The following TET2 variants were observed in gnomAD, a reference collection of about 807,000 sequenced individuals.
The protein encoded by TET2 is methylcytosine dioxygenase TET2.
TET2 carries 299 observed loss-of-function variants against 142.9 expected under a neutral mutation model. The ratio of observed to expected loss-of-function variants is 2.09; its 90% CI spans 1.90 to 2.30. The LOEUF is 2.30. Ranked by LOEUF, TET2 falls within the 30% of genes most tolerant of loss-of-function variation. TET2 has a pLI of 0.00. For synonymous variants in TET2, 819 were observed against 849.0 expected (o/e 0.96, Z 0.61); for missense variants, 2,418 against 2,378.0 (o/e 1.02, Z -0.35).
At chr4:105,158,308 A>G (rs947992914) in intron 1 of TET2, among the ~76,000 whole-genome samples, 2 of 152,092 alleles carry the variant, frequency 1.3e-5, no homozygotes, top group African/African-American at 4.8e-5. Flanking sequence ...TTGGGAAACT[A>G]TATTTAGGGG....
At position 105,262,841 on chromosome 4, in the gene TET2, A is replaced by G. The variant is rs370053386; in HGVS notation, c.4044+993A>G. Reference sequence around the variant, plus strand: ...GGTTGCAGTGAGCCGAAGTCAAACCATTGCACTCCAGCCTAGGCAACAAGA... The same window carrying G: ...GGTTGCAGTGAGCCGAAGTCAAACCGTTGCACTCCAGCCTAGGCAACAAGA... On this transcript the variant is annotated intron_variant, in intron 8 of 10. Coordinates refer to ENST00000380013, the MANE Select transcript of TET2 (RefSeq NM_001127208.3). 5.6e-4 allele frequency among the ~76,000 whole-genome samples: 85 copies of G among 151,430 alleles called. 1 individual carries two copies. The highest frequency in any genetic ancestry group is 2.3e-3 in the East Asian group (12 of 5,130).
rs1471952970 is a variant in TET2 at position 105,277,549 on chromosome 4, T to G, written c.*1030T>G. The G allele has an allele frequency of 1.8e-5, 4 of 227,652 alleles. No individual in the cohort carries two copies. Among genetic ancestry groups the G allele is most frequent in the Non-Finnish European group, 2.6e-5 (3 of 114,714 alleles). The allele number at this position is 227,652 out of a possible 1,614,324, so 14.1% of individuals were successfully genotyped here. A position where few individuals can be genotyped will look rare whatever the true frequency, so the allele number is the denominator to read the frequency against. On this transcript the variant is annotated 3_prime_UTR_variant, in exon 11 of 11. Coordinates refer to ENST00000380013, the MANE Select transcript of TET2 (RefSeq NM_001127208.3). Reference sequence around the variant, plus strand: ...GAAACAAAGAAAGCTTTTAAAATATTTTTGCTTTTAGCCATGCATCTGCTG... The same window carrying G: ...GAAACAAAGAAAGCTTTTAAAATATGTTTGCTTTTAGCCATGCATCTGCTG...
chr4:105,205,315 A>G lies in TET2; in HGVS notation c.-47+14810A>G, dbSNP rs546872217. ...ATGTCACCTAACAATATTTTCCTTA[A>G]CTTCTTAATTTTAGCCTGTTTTCCA... On this transcript the variant is annotated intron_variant, in intron 2 of 10. Transcript: ENST00000380013. Among the ~76,000 whole-genome samples the G allele has an allele frequency of 8.5e-5, 13 of 152,236 alleles. No individual in the cohort carries two copies. The South Asian group carries it at 2.7e-3, about 32-fold the overall frequency.
intron 2 of TET2, among the ~76,000 whole-genome samples, chr4:105,215,876 G>A (rs2047409): frequency 0.49 from 73,723 of 151,864 alleles, 19,207 homozygotes; most frequent in Non-Finnish European, 0.61. Flanking sequence ...ATTTTTATAC[G>A]ATACCATAAA....
chr4:105,257,099 CAT>C (rs1730174797), intron 6 of TET2, among the ~76,000 whole-genome samples: 1 of 152,072 alleles, frequency 6.6e-6, no homozygotes, highest in Admixed American at 6.5e-5. Context: ...TTATAGGGGC[CAT>C]ACTTTGTTTC....
chr4:105,175,550 A>C (rs535587762), intron 1 of TET2, among the ~76,000 whole-genome samples: 10 of 152,324 alleles, frequency 6.6e-5, no homozygotes, highest in African/African-American at 2.4e-4. Context: ...AAGACTGTGA[A>C]AAAAACAGAA....
At chr4:105,214,301 ATTTTT>A (rs35390923) in intron 2 of TET2, among the ~76,000 whole-genome samples, 3 of 86,032 alleles carry the variant, frequency 3.5e-5, no homozygotes, top group Non-Finnish European at 6.3e-5. Context: ...CCCGAGGGAG[ATTTTT>A]TTTTTTTTTT....
At chr4:105,238,611 A>C (rs1423073583) in intron 3 of TET2, 3 of 244,140 alleles carry the variant, frequency 1.2e-5, no homozygotes, top group Non-Finnish European at 2.6e-5. Flanking sequence ...ATGACATTGC[A>C]GTAACTCAGC....
chr4:105,178,380 C>T (rs1017724216), intron 1 of TET2, among the ~76,000 whole-genome samples: 6 of 152,108 alleles, frequency 3.9e-5, no homozygotes, highest in Admixed American at 6.6e-5. Flanking sequence ...TATGACATTC[C>T]GGAAAAGCCA....
chr4:105,176,832 A>G (rs1724825888), intron 1 of TET2, among the ~76,000 whole-genome samples: 2 of 152,202 alleles, frequency 1.3e-5, no homozygotes, highest in Admixed American at 1.3e-4. Context: ...AGAACAACAA[A>G]GTCAGAGGAC....
At chr4:105,265,990 AT>A (rs1278305576) in intron 8 of TET2, among the ~76,000 whole-genome samples, 1 of 152,158 alleles carries the variant, frequency 6.6e-6, no homozygotes, top group African/African-American at 2.4e-5. Context: ...ACTATTCAGA[AT>A]ATCAGAGAGG....
intron 6 of TET2, among the ~76,000 whole-genome samples, chr4:105,255,717 C>T (rs1730090658): frequency 6.6e-6 from 1 of 151,792 alleles, no homozygotes; most frequent in Admixed American, 6.6e-5. Flanking sequence ...ATGTGTATAT[C>T]TTGTAGATAT....
At position 105,261,807 on chromosome 4, in the gene TET2, C is replaced by G; in HGVS notation, c.4003C>G (p.Pro1335Ala). 6.5e-7 allele frequency: 1 copy of G among 1,549,336 alleles called. No individual in the cohort carries two copies. The highest frequency in any genetic ancestry group is 8.7e-7 in the Non-Finnish European group (1 of 1,145,562). ...GCAAAACCTGTCCACTCTTATGGCA[C>G]CAACATATAAGAAACTTGCACCTGA... The part of the protein sequence containing the change: ...HLQNLSTLMA[P>A]TYKKLAPDAY... The change falls in exon 8 of 11, where the codon CCA (proline) becomes GCA (alanine). Residue 1335 changes from proline (P) to alanine (A), a missense_variant. By Grantham distance (27) the Pro-to-Ala change is conservative (BLOSUM62 -1). Transcript: ENST00000380013.
At chr4:105,264,765 G>C (rs898168985) in intron 8 of TET2, among the ~76,000 whole-genome samples, 2 of 152,182 alleles carry the variant, frequency 1.3e-5, no homozygotes, top group Non-Finnish European at 2.9e-5. Flanking sequence ...TAATAGCCAT[G>C]TGATGTTTCC....
Position 105,247,714 on chromosome 4 carries a change from C to CTTTTTTTTTTTTT in TET2, c.3803+3949_3803+3961dup, listed in dbSNP as rs1206510081. 5.5e-4 allele frequency among the ~76,000 whole-genome samples: 36 copies of CTTTTTTTTTTTTT among 65,314 alleles called. 1 individual carries two copies. Among genetic ancestry groups the CTTTTTTTTTTTTT allele is most frequent in the African/African-American group, 1.7e-3 (28 of 16,158 alleles). 42.8% of individuals were successfully genotyped at this position (65,314 alleles called of 152,430 possible). On this transcript the variant is annotated intron_variant, in intron 6 of 10. Transcript: ENST00000380013. The stretch of plus-strand genomic sequence containing the variant: ...TAGTTTGACTGGTTCTTTTTCTTTT[C>CTTTTTTTTTTTTT]TTTTTTTTTTTTTTTTTTTTTTTTT...
chr4:105,255,232 C>T (rs1208538206), intron 6 of TET2, among the ~76,000 whole-genome samples: 2 of 152,178 alleles, frequency 1.3e-5, no homozygotes, highest in Non-Finnish European at 2.9e-5. Flanking sequence ...TCATTTACAA[C>T]AAGGTATTTT....
Position 105,276,606 on chromosome 4 carries a change from A to G in TET2, c.*87A>G. 7.2e-7 allele frequency: 1 copy of G among 1,394,154 alleles called. No homozygotes were observed. The highest frequency in any genetic ancestry group is 1.5e-5 in the South Asian group (1 of 67,036). 86.4% of individuals were successfully genotyped at this position (1,394,154 alleles called of 1,614,324 possible). On this transcript the variant is annotated 3_prime_UTR_variant, in exon 11 of 11. Coordinates refer to ENST00000380013, the MANE Select transcript of TET2 (RefSeq NM_001127208.3). ...AGTTCTCATGACGTGGGCAGTGGGGAAAGGTCACAGTATTCATGACAAATG... is the reference window on the plus strand; with the variant it reads ...AGTTCTCATGACGTGGGCAGTGGGGGAAGGTCACAGTATTCATGACAAATG...
chr4:105,275,736 C>A lies in TET2; in HGVS notation c.5226C>A (p.Pro1742=). 1 of 1,551,760 alleles carries A rather than the reference C, an allele frequency of 6.4e-7. No individual in the cohort carries two copies. Among genetic ancestry groups the A allele is most frequent in the Non-Finnish European group, 8.7e-7 (1 of 1,146,970 alleles). ...HFMGATSRLP[P]NLSNPNMDYK... is the part of the protein sequence containing the mutation. ...TGGGAGCCACCTCTAGATTACCACC[C>A]AATCTGAGCAATCCAAACATGGACT... The change falls in exon 11 of 11, where the codon CCC becomes CCA. Residue 1742 remains proline (P), a synonymous_variant. Transcript: ENST00000380013.
At position 105,278,154 on chromosome 4, in the gene TET2, A is replaced by C; in HGVS notation, c.*1635A>C. 1 of 162,662 alleles carries C rather than the reference A, an allele frequency of 6.1e-6. No individual in the cohort carries two copies. The allele number at this position is 162,662 out of a possible 1,614,324, so 10.1% of individuals were successfully genotyped here. On this transcript the variant is annotated 3_prime_UTR_variant, in exon 11 of 11. Transcript: ENST00000380013. ...AATGCTTTAGTATTTTAGTACTGTA[A>C]AAAAATTAAATATATACATATATAT...
Sources: allele counts gnomAD v4.1 joint callset (sites outside exome capture counted in the v4.1 genomes callset), GRCh38; gene constraint gnomAD v4.1.1; transcripts MANE v1.5; gene names NCBI Gene and HGNC (gene_info 2026-07-23, HGNC 2026-07-21).